The following KCNK1 variants were observed in gnomAD, a reference collection of about 807,000 sequenced individuals.
KCNK1 encodes the protein potassium channel subfamily K member 1.
A neutral mutation model predicts 22.2 loss-of-function variants in KCNK1; 10 were observed. The ratio of observed to expected loss-of-function variants is 0.45; its 90% CI spans 0.28 to 0.76. KCNK1 has a LOEUF of 0.76. Among genes scored for constraint, KCNK1 ranks in the 30% least tolerant of loss-of-function variants. KCNK1 has a pLI of 0.14. For synonymous variants in KCNK1, 200 were observed against 186.4 expected (o/e 1.07, Z -0.60); for missense variants, 378 against 421.0 (o/e 0.90, Z 0.89).
At chr1:233,646,575 T>G (rs1658097685) in intron 1 of KCNK1, among the ~76,000 whole-genome samples, 1 of 150,960 alleles carries the variant, frequency 6.6e-6, no homozygotes, top group African/African-American at 2.4e-5. Context: ...GGCCATGAGG[T>G]GAAAGAGATA....
chr1:233,641,356 G>A (rs1182358648), intron 1 of KCNK1, among the ~76,000 whole-genome samples: 2 of 152,174 alleles, frequency 1.3e-5, no homozygotes, highest in African/African-American at 4.8e-5. Context: ...CCCTATGCCA[G>A]GGTTTCAGGG....
At chr1:233,626,570 G>A (rs531981379) in intron 1 of KCNK1, among the ~76,000 whole-genome samples, 31 of 152,272 alleles carry the variant, frequency 2.0e-4, no homozygotes, top group African/African-American at 6.3e-4. Context: ...GCTTTTGGGG[G>A]TGATATCTGA....
intron 1 of KCNK1, among the ~76,000 whole-genome samples, chr1:233,617,738 A>T (rs1657509673): frequency 6.6e-6 from 1 of 152,142 alleles, no homozygotes; most frequent in South Asian, 2.1e-4. Flanking sequence ...GCACCATTGC[A>T]CTCTAGCCTA....
intron 1 of KCNK1, among the ~76,000 whole-genome samples, chr1:233,628,772 T>TAA (rs1225135151): frequency 6.6e-6 from 1 of 151,586 alleles, no homozygotes; most frequent in African/African-American, 2.4e-5. Flanking sequence ...ATAATAATAA[T>TAA]AATAATAATA....
intron 1 of KCNK1, among the ~76,000 whole-genome samples, chr1:233,635,289 A>C (rs879808326): frequency 6.6e-6 from 1 of 152,224 alleles, no homozygotes; most frequent in Non-Finnish European, 1.5e-5. Context: ...ATTTCGCTAG[A>C]AAATAAAAGC....
chr1:233,646,069 G>T, intron 1 of KCNK1, among the ~76,000 whole-genome samples: 1 of 152,130 alleles, frequency 6.6e-6, no homozygotes, highest in Non-Finnish European at 1.5e-5. Flanking sequence ...GGTTGCCTAG[G>T]GTGTAACATG....
At chr1:233,639,273 T>C (rs1343019219) in intron 1 of KCNK1, among the ~76,000 whole-genome samples, 1 of 152,254 alleles carries the variant, frequency 6.6e-6, no homozygotes, top group African/African-American at 2.4e-5. Flanking sequence ...TAAATGTTCT[T>C]TGCTTTTTGA....
intron 1 of KCNK1, among the ~76,000 whole-genome samples, chr1:233,648,593 C>G (rs1448550448): frequency 6.6e-6 from 1 of 151,496 alleles, no homozygotes. Context: ...GAGACAGAGT[C>G]TCACTCTGTC....
In KCNK1 at chr1:233,648,687, CTCTTGAG is replaced by C. The variant is rs1658145453; in HGVS notation, c.356-17906_356-17900del. On this transcript the variant is annotated intron_variant, in intron 1 of 2. Transcript: ENST00000366621. ...GTTCAAGCCATTCTCCTGCCTCAGC[CTCTTGAG>C]TAGCTGGGATTACAGACGCGCACCA... 2.0e-5 allele frequency among the ~76,000 whole-genome samples: 3 copies of C among 152,062 alleles called. No homozygotes were observed. The South Asian group carries it at 6.2e-4, about 32-fold the overall frequency.
At chr1:233,648,374 A>G (rs1658139730) in intron 1 of KCNK1, among the ~76,000 whole-genome samples, 1 of 152,228 alleles carries the variant, frequency 6.6e-6, no homozygotes, top group African/African-American at 2.4e-5. Context: ...TGCATACACA[A>G]GCCAGCTGTC....
intron 1 of KCNK1, among the ~76,000 whole-genome samples, chr1:233,618,690 C>G (rs573389761): frequency 4.6e-5 from 7 of 152,226 alleles, no homozygotes; most frequent in African/African-American, 1.4e-4. Flanking sequence ...TCAAGACCAT[C>G]CTGGCCAACA....
chr1:233,670,933 A>G (rs1470229836), intron 2 of KCNK1, among the ~76,000 whole-genome samples: 1 of 152,236 alleles, frequency 6.6e-6, no homozygotes, highest in Admixed American at 6.5e-5. Context: ...CCCTCCTTGC[A>G]TAAAATATCA....
chr1:233,628,144 G>A (rs1217630778), intron 1 of KCNK1, among the ~76,000 whole-genome samples: 1 of 152,206 alleles, frequency 6.6e-6, no homozygotes, highest in Non-Finnish European at 1.5e-5. Context: ...GCTAAGGGTG[G>A]TGCCATCTCA....
chr1:233,654,979 C>T (rs550638137), intron 1 of KCNK1, among the ~76,000 whole-genome samples: 3 of 152,184 alleles, frequency 2.0e-5, no homozygotes, highest in South Asian at 4.2e-4. Context: ...CCAGGATAGC[C>T]GAGTGGTAGG....
chr1:233,625,163 A>G (rs1046788726), intron 1 of KCNK1, among the ~76,000 whole-genome samples: 10 of 152,192 alleles, frequency 6.6e-5, no homozygotes, highest in African/African-American at 2.4e-4. Context: ...ACAGGTGTGT[A>G]AAAAATAGGA....
chr1:233,631,304 C>T (rs569426173), intron 1 of KCNK1: 5 of 531,274 alleles, frequency 9.4e-6, no homozygotes, highest in South Asian at 7.1e-5. Flanking sequence ...ACTCACTGAA[C>T]CCCTAATGTG....
At chr1:233,662,263 CTTCTTCTT>C (rs1658408996) in intron 1 of KCNK1, among the ~76,000 whole-genome samples, 2 of 138,684 alleles carry the variant, frequency 1.4e-5, no homozygotes, top group African/African-American at 5.1e-5. Context: ...TCTTCTTCTT[CTTCTTCTT>C]CTCCTCCTCC....
In KCNK1 at chr1:233,671,288, C is replaced by A; in HGVS notation, c.769C>A (p.Leu257Ile). 6.2e-7 allele frequency: 1 copy of A among 1,614,144 alleles called. No individual in the cohort carries two copies. The highest frequency in any genetic ancestry group is 8.5e-7 in the Non-Finnish European group (1 of 1,179,988). Residue 257 changes from leucine (L) to isoleucine (I), a missense_variant, in exon 3 of 3, where the codon CTT becomes ATT. Coordinates refer to ENST00000366621, the MANE Select transcript of KCNK1 (RefSeq NM_002245.4). ...TCACACAGGTTACCTGCTACTTGGC[C>A]TTATTGCCATGTTGGTAGTTCTGGA... The part of the protein sequence containing the change: ...IGITCYLLLG[L>I]IAMLVVLETF...
chr1:233,666,802 G>T lies in KCNK1; in HGVS notation c.563G>T (p.Gly188Val). Residue 188 changes from glycine to valine, a missense_variant, in exon 2 of 3, where the codon GGG becomes GTG. Transcript: ENST00000366621. The part of the protein sequence containing the change: ...VVAIVHAVLL[G>V]FVTVSCFFFI... ...GCCATCGTCCATGCCGTGCTCCTTGGGTTTGTCACTGTGTCCTGCTTCTTC... is the reference window on the plus strand; with the variant it reads ...GCCATCGTCCATGCCGTGCTCCTTGTGTTTGTCACTGTGTCCTGCTTCTTC... The T allele has an allele frequency of 6.2e-7, 1 of 1,614,136 alleles. No homozygotes were observed. Among genetic ancestry groups the T allele is most frequent in the Non-Finnish European group, 8.5e-7 (1 of 1,180,030 alleles).
Sources: gnomAD v4.1 joint callset for allele counts (sites outside exome capture counted in the v4.1 genomes callset) on GRCh38, gnomAD v4.1.1 for gene constraint, MANE v1.5 for transcripts, NCBI Gene and HGNC (gene_info 2026-07-23, HGNC 2026-07-21) for gene names.